The following SLC52A1 variants were observed in gnomAD, a reference collection of about 807,000 sequenced individuals.
The protein encoded by SLC52A1 is solute carrier family 52, riboflavin transporter, member 1.
In SLC52A1, 20 loss-of-function variants were observed where a neutral mutation model predicts 23.2. The observed-to-expected ratio is 0.86, with a 90% CI of 0.61 to 1.25. SLC52A1 has a LOEUF of 1.25. SLC52A1 is among the 50% of genes most tolerant of loss of function. The pLI is 0.00. For missense variants in SLC52A1, 528 were observed against 557.0 expected (o/e 0.95, Z 0.52); for synonymous variants, 260 against 256.6 (o/e 1.01, Z -0.13).
chr17:5,037,233 C>T (rs566125827), upstream of SLC52A1, among the ~76,000 whole-genome samples: 2 of 152,188 alleles, frequency 1.3e-5, no homozygotes, highest in South Asian at 2.1e-4. Context: ...ATTTAAATTT[C>T]GGTAGGCCAG....
upstream of SLC52A1, among the ~76,000 whole-genome samples, chr17:5,036,773 A>G (rs1183809639): frequency 6.6e-6 from 1 of 151,580 alleles, no homozygotes; most frequent in Non-Finnish European, 1.5e-5. Context: ...CTGACCTACT[A>G]CCCATTTTTG....
chr17:5,041,020 C>T (rs907297348), intron 1 of SLC52A1, among the ~76,000 whole-genome samples: 1 of 152,010 alleles, frequency 6.6e-6, no homozygotes, highest in South Asian at 2.1e-4. Flanking sequence ...TGGTCTCGAT[C>T]TCCTGACCTC....
chr17:5,034,029 TGA>T lies in SLC52A1; in HGVS notation c.458_459del (p.Leu153GlnfsTer36), dbSNP rs751443915. On this transcript the variant is annotated frameshift_variant, in exon 3 of 5. Transcript: ENST00000254853. LOFTEE classifies it high-confidence loss of function. ...GCCAGCACACAGGGGAGTAGGGCAC[TGA>T]GACCCTGACCCAGGAAGAAAGACCG... is the stretch of plus-strand genomic sequence containing the variant. ...FLRSFFLGQG[L>X]SALLPCVLAL... 1.9e-6 allele frequency: 3 copies of T among 1,614,018 alleles called. No individual in the cohort carries two copies. The highest frequency in any genetic ancestry group is 2.5e-6 in the Non-Finnish European group (3 of 1,179,980).
At chr17:5,034,427 C>G in intron 2 of SLC52A1, 50 bp downstream of exon 2, 1 of 1,610,430 alleles carries the variant, frequency 6.2e-7, no homozygotes, top group Non-Finnish European at 8.5e-7. Flanking sequence ...CACAGGCCAC[C>G]TTTCTGGGCA....
chr17:5,039,081 G>C (rs1337405389), upstream of SLC52A1, among the ~76,000 whole-genome samples: 1 of 151,910 alleles, frequency 6.6e-6, no homozygotes, highest in Non-Finnish European at 1.5e-5. Flanking sequence ...CTAGCACTGT[G>C]GGAGGCTGAG....
Position 5,033,063 on chromosome 17 carries a change from G to A in SLC52A1, c.1241C>T (p.Ala414Val), listed in dbSNP as rs147687964. The A allele has an allele frequency of 7.4e-6, 12 of 1,613,504 alleles. No individual in the cohort carries two copies. The highest frequency in any genetic ancestry group is 1.7e-5 in the Admixed American group (1 of 59,986). Residue 414 changes from alanine to valine, a missense_variant, in exon 5 of 5, where the codon GCC (alanine) becomes GTC (valine). Physicochemically the swap from Ala to Val is moderately conservative, Grantham distance 64. Transcript: ENST00000254853. ...ACCAAGCAGGGAGCCCACTTGGATG[G>A]CCACACCAGCTGCCAGCAATGCCGG... ...GRPALLAAGV[A>V]IQVGSLLGAG...
rs537895411 is a variant in SLC52A1, at chr17:5,034,627, C to T, written c.-21G>A. On this transcript the variant is annotated 5_prime_UTR_variant, in exon 2 of 5. Transcript: ENST00000254853. ...GCCATTCAGCCCAAAGCTGGACCCT[C>T]CAGGACAGGGCAAAGGTCACAGGCA... 17 of 1,613,658 alleles carry T rather than the reference C, an allele frequency of 1.1e-5. 1 individual carries two copies. The South Asian group carries it at 1.6e-4, about 16-fold the overall frequency.
At chr17:5,035,936 C>G (rs1975445171), upstream of SLC52A1, among the ~76,000 whole-genome samples, 1 of 124,024 alleles carries the variant, frequency 8.1e-6, no homozygotes, top group South Asian at 2.7e-4. Context: ...CTCAGGCTGG[C>G]TTGGCACTCC....
chr17:5,037,046 G>A (rs571154164), upstream of SLC52A1, among the ~76,000 whole-genome samples: 13 of 152,190 alleles, frequency 8.5e-5, no homozygotes, highest in Admixed American at 2.6e-4. Context: ...CTACTCAGGC[G>A]TCTGAGGTGA....
At chr17:5,036,145 C>G (rs1196717264), upstream of SLC52A1, among the ~76,000 whole-genome samples, 1 of 147,082 alleles carries the variant, frequency 6.8e-6, no homozygotes, top group African/African-American at 2.5e-5. Context: ...CATTCTCCTG[C>G]CTCAGCCTCC....
Position 5,033,492 on chromosome 17 carries a change from C to G in SLC52A1, c.997G>C (p.Gly333Arg), listed in dbSNP as rs749595075. ...ACCCTTTTGCACCTGCACAGCACGC[C>G]CATGGCCAGGAAGCAGGCAAGGGGG... is the stretch of plus-strand genomic sequence containing the variant. ...ANPLACFLAMGVLCRSLAGLV... is the reference protein window; with the variant it reads ...ANPLACFLAMRVLCRSLAGLV... The change falls in exon 3 of 5, where the codon GGC becomes CGC. Residue 333 changes from glycine (G) to arginine (R), a missense_variant. Transcript: ENST00000254853. The G allele has an allele frequency of 6.2e-7, 1 of 1,612,056 alleles. No individual in the cohort carries two copies. The highest frequency in any genetic ancestry group is 1.1e-5 in the South Asian group (1 of 90,800).
rs758512156 is a variant in SLC52A1 at position 5,033,082 on chromosome 17, A to G, written c.1222T>C (p.Leu408=). 3.3e-5 allele frequency: 53 copies of G among 1,613,674 alleles called. No homozygotes were observed. Among genetic ancestry groups the G allele is most frequent in the Non-Finnish European group, 4.4e-5 (52 of 1,180,006 alleles). Residue 408 remains leucine (L), a synonymous_variant, in exon 5 of 5, where the codon TTG becomes CTG. Coordinates refer to ENST00000254853, the MANE Select transcript of SLC52A1 (RefSeq NM_017986.4). ...TGGATGGCCACACCAGCTGCCAGCA[A>G]TGCCGGCCGACCCCCACCATGCAGC... The part of the protein sequence containing the change: ...SLLHGGGRPA[L]LAAGVAIQVG...
chr17:5,035,700 T>G (rs1030216176), upstream of SLC52A1, among the ~76,000 whole-genome samples: 1 of 152,010 alleles, frequency 6.6e-6, no homozygotes, highest in Non-Finnish European at 1.5e-5. Flanking sequence ...TTTAATTAAT[T>G]AATTAATTTT....
At position 5,033,514 on chromosome 17, in the gene SLC52A1, G is replaced by A. The variant is rs1975371206; in HGVS notation, c.975C>T (p.Pro325=). 2.5e-6 allele frequency: 4 copies of A among 1,613,066 alleles called. No individual in the cohort carries two copies. The highest frequency in any genetic ancestry group is 3.4e-6 in the Non-Finnish European group (4 of 1,179,530). Residue 325 remains proline (P), a synonymous_variant, in exon 3 of 5, where the codon CCC becomes CCT. Coordinates refer to ENST00000254853, the MANE Select transcript of SLC52A1 (RefSeq NM_017986.4). ...LAVVLGSAAN[P]LACFLAMGVL... ...CGCCCATGGCCAGGAAGCAGGCAAGGGGGTTGGCGGCACTGCCCAGCACCA... is the reference window on the plus strand; with the variant it reads ...CGCCCATGGCCAGGAAGCAGGCAAGAGGGTTGGCGGCACTGCCCAGCACCA...
chr17:5,033,564 C>G lies in SLC52A1; in HGVS notation c.925G>C (p.Gly309Arg). 1 of 1,613,980 alleles carries G rather than the reference C, an allele frequency of 6.2e-7. No individual in the cohort carries two copies. Among genetic ancestry groups the G allele is most frequent in the Non-Finnish European group, 8.5e-7 (1 of 1,180,028 alleles). The change falls in exon 3 of 5, where the codon GGG (glycine) becomes CGG (arginine). Residue 309 changes from glycine to arginine, a missense_variant. Transcript: ENST00000254853. ...SVQSFSCLPYGRLAYHLAVVL... is the reference protein window; with the variant it reads ...SVQSFSCLPYRRLAYHLAVVL... ...ACAGCCAGGTGGTAGGCCAGGCGCC[C>G]ATAGGGCAAACAGGAAAAGCTCTGC... is the stretch of plus-strand genomic sequence containing the variant.
upstream of SLC52A1, among the ~76,000 whole-genome samples, chr17:5,036,263 C>T (rs1277335370): frequency 6.6e-6 from 1 of 151,682 alleles, no homozygotes; most frequent in East Asian, 1.9e-4. Flanking sequence ...CTCCTGACCT[C>T]AGGTGATCCA....
intron 3 of SLC52A1, 32 bp from the exon 4 acceptor site, chr17:5,033,416 C>G (rs1359158193): frequency 3.1e-6 from 5 of 1,613,328 alleles, no homozygotes; most frequent in Non-Finnish European, 4.2e-6. Flanking sequence ...TCAGGGCTGG[C>G]TGTTCTGGGA....
chr17:5,034,270 C>T lies in SLC52A1; in HGVS notation c.219G>A (p.Pro73=), dbSNP rs201983129. The T allele has an allele frequency of 1.5e-4, 244 of 1,609,574 alleles. No individual in the cohort carries two copies. The highest frequency in any genetic ancestry group is 1.8e-4 in the Non-Finnish European group (217 of 1,177,354). ...LVVTLWRQLA[P]GKGEQVPIQV... is the part of the protein sequence containing the mutation. ...GGATGGGGACCTGCTCGCCCTTGCC[C>T]GGGGCCAGCTGCCTCCACAGGGTCA... The change falls in exon 3 of 5, where the codon CCG becomes CCA. Residue 73 remains proline (P), a synonymous_variant. Transcript: ENST00000254853.
At position 5,033,288 on chromosome 17, in the gene SLC52A1, C is replaced by A. The variant is rs1975361796; in HGVS notation, c.1107G>T (p.Val369=). The change falls in exon 4 of 5, where the codon GTG becomes GTT. Residue 369 remains valine, a synonymous_variant. Transcript: ENST00000254853. ...LAILSPCPPL[V]GTTAGVVLVV... is the part of the protein sequence containing the mutation. ...CAAGGACCACCCCTGCAGTGGTGCC[C>A]ACCAGGGGTGGGCAGGGGCTCAGGA... 3.1e-6 allele frequency: 5 copies of A among 1,613,970 alleles called. No individual in the cohort carries two copies. The highest frequency in any genetic ancestry group is 4.2e-6 in the Non-Finnish European group (5 of 1,179,976).
Sources: allele counts gnomAD v4.1 joint callset (sites outside exome capture counted in the v4.1 genomes callset), GRCh38; gene constraint gnomAD v4.1.1; transcripts MANE v1.5; gene names NCBI Gene and HGNC (gene_info 2026-07-23, HGNC 2026-07-21).